CIDEC: variants seen among roughly 807,000 people sequenced by gnomAD.
The protein encoded by CIDEC is lipid transferase CIDEC.
A neutral mutation model predicts 21.9 loss-of-function variants in CIDEC; 11 were observed. That is an observed-to-expected ratio of 0.50 (90% confidence interval 0.32 to 0.83). The LOEUF (loss-of-function observed/expected upper bound fraction) is 0.83, where lower values mean the gene tolerates loss of function less well. CIDEC is among the 40% of genes least tolerant of loss of function. The probability of loss-of-function intolerance (pLI) is 0.04; values close to 1 mark genes in which losing one functional copy is unlikely to be tolerated. For missense variants in CIDEC, 302 were observed against 302.3 expected, an observed-to-expected ratio of 1.00 and a Z score of 0.01; for synonymous variants, 127 against 124.9, an observed-to-expected ratio of 1.02 and a Z score of -0.11.
chr3:9,875,056 C>T (rs1458017736), intron 4 of CIDEC, among the ~76,000 whole-genome samples: 2 of 152,024 alleles, frequency 1.3e-5, no homozygotes, highest in Admixed American at 1.3e-4. Context: ...TATCATATTC[C>T]TGCCAAAGAT....
Position 9,866,845 on chromosome 3 carries a change from T to G in CIDEC, c.*289A>C. Reference sequence around the variant, plus strand: ...GAAAGTACAGCCTGCGAGGCCAGATTGCTAAGGGGCAGACTTCATGCCAAT... The same window carrying G: ...GAAAGTACAGCCTGCGAGGCCAGATGGCTAAGGGGCAGACTTCATGCCAAT... On this transcript the variant is annotated 3_prime_UTR_variant, in exon 7 of 7. Transcript: ENST00000336832. The G allele has an allele frequency of 1.7e-6, 1 of 596,446 alleles. No individual in the cohort carries two copies. Among genetic ancestry groups the G allele is most frequent in the African/African-American group, 1.9e-5 (1 of 53,954 alleles). The allele number at this position is 596,446 out of a possible 1,614,324, so 36.9% of individuals were successfully genotyped here. A position where few individuals can be genotyped will look rare whatever the true frequency, so the allele number is the denominator to read the frequency against.
intron 3 of CIDEC, chr3:9,877,856 G>A (rs1426268756): frequency 6.1e-6 from 1 of 164,720 alleles, no homozygotes; most frequent in Admixed American, 5.5e-5. Flanking sequence ...ACCATGAGGA[G>A]TAAGTAGCAA....
chr3:9,875,645 T>A (rs1233070216), intron 4 of CIDEC, among the ~76,000 whole-genome samples: 2 of 152,266 alleles, frequency 1.3e-5, no homozygotes, highest in Admixed American at 6.5e-5. Flanking sequence ...TAATACTGTT[T>A]CCTGATTGTA....
rs958024277 is a variant in CIDEC, at chr3:9,870,337, C to G, written c.208-15G>C. 1 of 1,611,544 alleles carries G rather than the reference C, an allele frequency of 6.2e-7. No homozygotes were observed. The highest frequency in any genetic ancestry group is 1.3e-5 in the African/African-American group (1 of 74,890). ...GTGTCCCGGACCTGGGGAATAAGGT[C>G]AGTGATGCTTCTGCCATCCCAGAAC... On this transcript the variant is annotated splice_polypyrimidine_tract_variant and intron_variant, in intron 4 of 6. Coordinates refer to ENST00000336832, the MANE Select transcript of CIDEC (RefSeq NM_001321142.2).
At position 9,866,974 on chromosome 3, in the gene CIDEC, C is replaced by T. The variant is rs1291015121; in HGVS notation, c.*160G>A. 1.2e-5 allele frequency: 10 copies of T among 835,656 alleles called. No individual in the cohort carries two copies. The highest frequency in any genetic ancestry group is 1.8e-5 in the Non-Finnish European group (9 of 489,486). The allele number at this position is 835,656 out of a possible 1,614,324, so 51.8% of individuals were successfully genotyped here. A position where few individuals can be genotyped will look rare whatever the true frequency, so the allele number is the denominator to read the frequency against. On this transcript the variant is annotated 3_prime_UTR_variant, in exon 7 of 7. Coordinates refer to ENST00000336832, the MANE Select transcript of CIDEC (RefSeq NM_001321142.2). ...GAGGTTCTCCTTTGGCCAACCCACC[C>T]CAGGTTTCCAGCTCCTCCTCCTCAC...
chr3:9,871,138 T>C (rs2082342209), intron 4 of CIDEC, among the ~76,000 whole-genome samples: 1 of 151,434 alleles, frequency 6.6e-6, no homozygotes, highest in Admixed American at 6.6e-5. Context: ...TACCTAGGAG[T>C]AGAATTGCTG....
chr3:9,877,655 G>A (rs708570), intron 3 of CIDEC, among the ~76,000 whole-genome samples: 66,839 of 151,742 alleles, frequency 0.44, 16,355 homozygotes, highest in East Asian at 0.65. Flanking sequence ...GGGAGACCTC[G>A]ACTTAAAAAA....
chr3:9,877,160 T>C lies in CIDEC; in HGVS notation c.113A>G (p.Lys38Arg), dbSNP rs770743677. 3.9e-6 allele frequency: 6 copies of C among 1,551,556 alleles called. No homozygotes were observed. The highest frequency in any genetic ancestry group is 5.2e-6 in the Non-Finnish European group (6 of 1,147,204). The change falls in exon 4 of 7, where the codon AAG becomes AGG. Residue 38 changes from lysine to arginine, a missense_variant. Transcript: ENST00000336832. ...TQQLLSEPSPKAPRARPCRVS... is the reference protein window; with the variant it reads ...TQQLLSEPSPRAPRARPCRVS... ...GCGGCAGGGCCGGGCCCTGGGGGCC[T>C]TGGGGCTGGGCTCCGACAGCAGCTG...
chr3:9,868,741 A>C (rs1171016246), intron 6 of CIDEC, among the ~76,000 whole-genome samples: 2 of 152,220 alleles, frequency 1.3e-5, no homozygotes, highest in African/African-American at 4.8e-5. Flanking sequence ...TAATTCTGTC[A>C]TATGGAGGGA....
chr3:9,871,173 ATTTTTTT>A (rs59917579), intron 4 of CIDEC, among the ~76,000 whole-genome samples: 5 of 120,166 alleles, frequency 4.2e-5, no homozygotes, highest in African/African-American at 1.6e-4. Context: ...TCTATGTTTA[ATTTTTTT>A]TTTTTTTTTT....
Position 9,879,028 on chromosome 3 carries a change from A to G in CIDEC, c.-112T>C. 1.7e-6 allele frequency: 1 copy of G among 597,066 alleles called. No individual in the cohort carries two copies. Among genetic ancestry groups the G allele is most frequent in the Non-Finnish European group, 3.0e-6 (1 of 333,974 alleles). 37.0% of individuals were successfully genotyped at this position (597,066 alleles called of 1,614,324 possible). On this transcript the variant is annotated 5_prime_UTR_variant, in exon 2 of 7. Coordinates refer to ENST00000336832, the MANE Select transcript of CIDEC (RefSeq NM_001321142.2). ...CTTGAGCAATCCGAGCCCCTTCCTGAGGCTTCACAGTGGCCAAAAGAACAT... is the reference window on the plus strand; with the variant it reads ...CTTGAGCAATCCGAGCCCCTTCCTGGGGCTTCACAGTGGCCAAAAGAACAT...
At chr3:9,876,207 C>G (rs536729915) in intron 4 of CIDEC, among the ~76,000 whole-genome samples, 1 of 152,342 alleles carries the variant, frequency 6.6e-6, no homozygotes, top group East Asian at 1.9e-4. Context: ...GGCATGGTGG[C>G]TGACGCCTAT....
At chr3:9,878,211 A>C in intron 3 of CIDEC, 4 of 577,324 alleles carry the variant, frequency 6.9e-6, no homozygotes. Context: ...CATAGTGTCT[A>C]CTCCTTTTTA....
At chr3:9,878,582 G>T in intron 2 of CIDEC, 71 bp from the exon 3 acceptor site, 1 of 1,414,560 alleles carries the variant, frequency 7.1e-7, no homozygotes. Flanking sequence ...TGTTAGGCAA[G>T]GTGCAACCCA....
intron 4 of CIDEC, among the ~76,000 whole-genome samples, chr3:9,870,695 C>G (rs2125043807): frequency 6.6e-6 from 1 of 152,266 alleles, no homozygotes; most frequent in South Asian, 2.1e-4. Flanking sequence ...GTAGAGAGCA[C>G]ATGACATAAT....
intron 1 of CIDEC, 92 bp from the exon 2 acceptor site, chr3:9,879,146 T>G: frequency 4.1e-6 from 1 of 245,738 alleles, no homozygotes; most frequent in Admixed American, 5.2e-5. Context: ...ATAACTAGTG[T>G]GATTCAGGAG....
At chr3:9,876,882 C>G (rs996782611) in intron 4 of CIDEC, among the ~76,000 whole-genome samples, 184 bp downstream of exon 4, 1 of 152,096 alleles carries the variant, frequency 6.6e-6, no homozygotes, top group South Asian at 2.1e-4. Context: ...CGTACTGCCC[C>G]CCTCCTGTTA....
Position 9,867,130 on chromosome 3 carries a change from G to T in CIDEC, c.*4C>A. 1.9e-6 allele frequency: 3 copies of T among 1,613,028 alleles called. No homozygotes were observed. In the South Asian group the frequency reaches 3.3e-5, roughly 18 times the overall value. ...CTGGGGAAAGCTTCCAAGGACTTGG[G>T]CTTTCACTGCAGTATCTTCAGACAG... On this transcript the variant is annotated 3_prime_UTR_variant, in exon 7 of 7. Coordinates refer to ENST00000336832, the MANE Select transcript of CIDEC (RefSeq NM_001321142.2).
chr3:9,869,293 C>T (rs1400993820), intron 6 of CIDEC, among the ~76,000 whole-genome samples: 2 of 152,046 alleles, frequency 1.3e-5, no homozygotes, highest in Non-Finnish European at 2.9e-5. Flanking sequence ...CTCTTTTGCC[C>T]AGGCTGGAGT....
Sources: allele counts gnomAD v4.1 joint callset (sites outside exome capture counted in the v4.1 genomes callset), GRCh38; gene constraint gnomAD v4.1.1; transcripts MANE v1.5; gene names NCBI Gene and HGNC (gene_info 2026-07-23, HGNC 2026-07-21).